The following LEPR variants were observed in gnomAD, a reference collection of about 807,000 sequenced individuals.
LEPR encodes leptin receptor.
LEPR carries 56 observed loss-of-function variants against 114.7 expected under a neutral mutation model. That is an observed-to-expected ratio of 0.49 (90% CI 0.39 to 0.61). LEPR has a LOEUF of 0.61. Ranked by LOEUF, LEPR falls within the 20% of genes least tolerant of loss-of-function variation. The pLI, the probability that LEPR is intolerant of heterozygous loss-of-function variation, is 0.00. For synonymous variants in LEPR, 443 were observed against 461.4 expected (o/e 0.96, Z 0.51); for missense variants, 1,202 against 1,352.9 (o/e 0.89, Z 1.75).
At chr1:65,455,613 C>A (rs1646859698) in intron 2 of LEPR, among the ~76,000 whole-genome samples, 1 of 152,304 alleles carries the variant, frequency 6.6e-6, no homozygotes, top group South Asian at 2.1e-4. Flanking sequence ...GGGTCAGGGA[C>A]CCACTTGAGG....
intron 2 of LEPR, among the ~76,000 whole-genome samples, chr1:65,470,931 G>A (rs979954844): frequency 3.9e-5 from 6 of 152,178 alleles, no homozygotes; most frequent in Non-Finnish European, 8.8e-5. Context: ...GAGCAGTAAA[G>A]TGGGTAAGAG....
chr1:65,462,158 C>G (rs1428232751), intron 2 of LEPR, among the ~76,000 whole-genome samples: 2 of 152,168 alleles, frequency 1.3e-5, no homozygotes, highest in Non-Finnish European at 2.9e-5. Flanking sequence ...CCCATCCCCC[C>G]ACCCGCCAAC....
chr1:65,600,900 A>G (rs939042232), intron 8 of LEPR, among the ~76,000 whole-genome samples: 1 of 151,906 alleles, frequency 6.6e-6, no homozygotes, highest in Non-Finnish European at 1.5e-5. Context: ...TATATCTCGT[A>G]TCTTTACCTA....
chr1:65,497,873 A>G (rs746407136), intron 2 of LEPR, among the ~76,000 whole-genome samples: 1 of 152,182 alleles, frequency 6.6e-6, no homozygotes, highest in Non-Finnish European at 1.5e-5. Flanking sequence ...TTTAAAAAAA[A>G]TTCAAGTTAA....
chr1:65,458,283 C>T (rs1485693748), intron 2 of LEPR, among the ~76,000 whole-genome samples: 1 of 152,144 alleles, frequency 6.6e-6, no homozygotes, highest in Non-Finnish European at 1.5e-5. Flanking sequence ...AAATATTCCT[C>T]CCATCTTCAT....
intron 2 of LEPR, among the ~76,000 whole-genome samples, chr1:65,540,368 T>C (rs1651104996): frequency 6.6e-6 from 1 of 152,148 alleles, no homozygotes; most frequent in Admixed American, 6.5e-5. Flanking sequence ...TGGTGGGAGA[T>C]ATTTGGGTCA....
rs77453557 is a variant in LEPR at position 65,434,022 on chromosome 1, G to T, written c.-21+8644G>T. ...TAATGATTCATTTCTACTACATTTT[G>T]CAAAAGTGTTTTTGTTGCTTATACA... On this transcript the variant is annotated intron_variant, in intron 2 of 19. Coordinates refer to ENST00000349533, the MANE Select transcript of LEPR (RefSeq NM_002303.6). The T allele has an allele frequency of 6.3e-4, 617 of 985,262 alleles. 4 individuals carry two copies. In the African/African-American group the frequency reaches 9.9e-3, roughly 16 times the overall value. 61.0% of individuals were successfully genotyped at this position (985,262 alleles called of 1,614,324 possible).
intron 19 of LEPR, 48 bp from the exon 20 acceptor site, chr1:65,636,143 C>CA (rs1658711672): frequency 6.2e-7 from 1 of 1,610,132 alleles, no homozygotes; most frequent in Admixed American, 1.7e-5. Context: ...CATAATGAAG[C>CA]AAAATTTTTT....
At chr1:65,576,981 T>A in intron 5 of LEPR, 1 of 314,174 alleles carries the variant, frequency 3.2e-6, no homozygotes. Flanking sequence ...TATCGGTGAC[T>A]TTGTTGGTGC....
intron 2 of LEPR, among the ~76,000 whole-genome samples, chr1:65,558,400 TAAAC>T (rs1420407275): frequency 2.6e-5 from 4 of 151,892 alleles, no homozygotes; most frequent in Non-Finnish European, 4.4e-5. Flanking sequence ...AGTTGTAAAA[TAAAC>T]AAACACTTTT....
chr1:65,523,000 TA>T (rs1159978994), intron 2 of LEPR, among the ~76,000 whole-genome samples: 1 of 152,228 alleles, frequency 6.6e-6, no homozygotes, highest in Non-Finnish European at 1.5e-5. Context: ...CACAGTTCTT[TA>T]TCAGGCTTCA....
chr1:65,617,103 C>T (rs1243580479), intron 15 of LEPR, among the ~76,000 whole-genome samples: 3 of 152,022 alleles, frequency 2.0e-5, no homozygotes, highest in Non-Finnish European at 4.4e-5. Flanking sequence ...CTGTAGAATG[C>T]GTCAGTGGGG....
At chr1:65,431,869 T>C in intron 2 of LEPR, 1 of 1,613,990 alleles carries the variant, frequency 6.2e-7, no homozygotes, top group Non-Finnish European at 8.5e-7. Context: ...AATTCAAGGG[T>C]TTTTCCTTAT....
At position 65,598,095 on chromosome 1, in the gene LEPR, C is replaced by CTTTTTTTTTTTTTTTTTTTTTT. The variant is rs1226626771; in HGVS notation, c.850-545_850-544insTTTTTTTTTTTTTTTTTTTTTT. ...CTAGGCTCAAGTGATCCTCCTGCCT[C>CTTTTTTTTTTTTTTTTTTTTTT]TTTTTTTTTTTTTTTTTTTTAAGAG... is the stretch of plus-strand genomic sequence containing the variant. On this transcript the variant is annotated intron_variant, in intron 7 of 19. Transcript: ENST00000349533. 1.4e-4 allele frequency among the ~76,000 whole-genome samples: 14 copies of CTTTTTTTTTTTTTTTTTTTTTT among 101,478 alleles called. 2 individuals carry two copies. The highest frequency in any genetic ancestry group is 5.3e-4 in the African/African-American group (12 of 22,646). The allele number at this position is 101,478 out of a possible 152,430, so 66.6% of individuals were successfully genotyped here. A position where few individuals can be genotyped will look rare whatever the true frequency, so the allele number is the denominator to read the frequency against.
chr1:65,619,177 C>A (rs1439205015), intron 16 of LEPR, among the ~76,000 whole-genome samples: 1 of 152,138 alleles, frequency 6.6e-6, no homozygotes, highest in Non-Finnish European at 1.5e-5. Context: ...AATTTAGCAT[C>A]AGGGTAAATT....
Position 65,570,464 on chromosome 1 carries a change from T to A in LEPR, c.41-9T>A. On this transcript the variant is annotated splice_polypyrimidine_tract_variant and intron_variant, in intron 3 of 19. Transcript: ENST00000349533. ...CTTTTTTCTATGTGTCTTTTTAATA[T>A]CCTAACAGAATTTATTTATGTGATA... 6.2e-7 allele frequency: 1 copy of A among 1,612,146 alleles called. No individual in the cohort carries two copies. The highest frequency in any genetic ancestry group is 8.5e-7 in the Non-Finnish European group (1 of 1,179,284).
Position 65,608,867 on chromosome 1 carries a change from G to T in LEPR, c.1718G>T (p.Arg573Leu), listed in dbSNP as rs150826083. ...FPENNLQFQI[R>L]YGLSGKEVQW... ...GAGAATAACCTTCAATTCCAGATTC[G>T]CTATGGTTTAAGTGGAAAAGAAGTA... Residue 573 changes from arginine to leucine, a missense_variant, in exon 12 of 20, where the codon CGC becomes CTC. Transcript: ENST00000349533. 14 of 1,613,486 alleles carry T rather than the reference G, an allele frequency of 8.7e-6. No individual in the cohort carries two copies. In the African/African-American group the frequency reaches 1.9e-4, roughly 22 times the overall value.
chr1:65,528,451 T>C (rs1261789953), intron 2 of LEPR, among the ~76,000 whole-genome samples: 5 of 152,264 alleles, frequency 3.3e-5, no homozygotes, highest in East Asian at 3.9e-4. Flanking sequence ...AACATGTTTT[T>C]TGGAGTCTTG....
intron 19 of LEPR, among the ~76,000 whole-genome samples, chr1:65,632,656 C>G (rs1322023314): frequency 6.6e-6 from 1 of 152,072 alleles, no homozygotes; most frequent in Non-Finnish European, 1.5e-5. Flanking sequence ...GACACTTGGA[C>G]CATATAATTT....
Sources: gnomAD v4.1 joint callset for allele counts (sites outside exome capture counted in the v4.1 genomes callset) on GRCh38, gnomAD v4.1.1 for gene constraint, MANE v1.5 for transcripts, NCBI Gene and HGNC (gene_info 2026-07-23, HGNC 2026-07-21) for gene names.